DPP10: variants seen among roughly 807,000 people sequenced by gnomAD.
DPP10 encodes the protein inactive dipeptidyl peptidase 10.
DPP10 carries 33 observed loss-of-function variants against 120.9 expected under a neutral mutation model. The observed-to-expected ratio is 0.27, with a 90% CI of 0.21 to 0.37. The LOEUF (loss-of-function observed/expected upper bound fraction) is 0.37. Among genes scored for constraint, DPP10 ranks in the 10% least tolerant of loss-of-function variants. The probability of loss-of-function intolerance (pLI) is 1.00; values close to 1 mark genes in which losing one functional copy is unlikely to be tolerated. For synonymous variants in DPP10, 337 were observed against 326.1 expected (o/e 1.03, Z -0.36); for missense variants, 816 against 942.8 (o/e 0.87, Z 1.76).
At chr2:115,823,082 A>T (rs1057014322) in intron 21 of DPP10, among the ~76,000 whole-genome samples, 4 of 151,834 alleles carry the variant, frequency 2.6e-5, no homozygotes, top group African/African-American at 4.8e-5. Context: ...TTTATTTTTG[A>T]GTATTGGTTT....
At chr2:114,847,634 C>A (rs1391343497) in intron 1 of DPP10, among the ~76,000 whole-genome samples, 1 of 152,144 alleles carries the variant, frequency 6.6e-6, no homozygotes, top group Non-Finnish European at 1.5e-5. Context: ...GTGAGTGTAT[C>A]TAGAGACAGC....
chr2:115,582,552 A>T (rs576311496), intron 5 of DPP10, among the ~76,000 whole-genome samples: 2 of 152,128 alleles, frequency 1.3e-5, no homozygotes, highest in African/African-American at 2.4e-5. Context: ...TCTGGGAGTG[A>T]TGCTCTCTTG....
At chr2:114,824,722 C>A (rs376516496) in intron 1 of DPP10, among the ~76,000 whole-genome samples, 1 of 151,828 alleles carries the variant, frequency 6.6e-6, no homozygotes, top group Admixed American at 6.6e-5. Flanking sequence ...CTAAAAATAG[C>A]GTTAATTGAT....
At chr2:115,297,789 C>A (rs988609146) in intron 1 of DPP10, among the ~76,000 whole-genome samples, 1 of 152,000 alleles carries the variant, frequency 6.6e-6, no homozygotes, top group Non-Finnish European at 1.5e-5. Flanking sequence ...ATATATGCAG[C>A]CTGCTCATCC....
At position 114,537,137 on chromosome 2, in the gene DPP10, G is replaced by GGT. The variant is rs140387548; in HGVS notation, c.60+94312_60+94313dup. ...TAACTGTACCACATGCCTTTAGGAG[G>GGT]GTGTGTGTGTGTGTTACAGAACATG... On this transcript the variant is annotated intron_variant, in intron 1 of 25. Transcript: ENST00000410059. Among the ~76,000 whole-genome samples, 266 of 151,888 alleles carry GGT rather than the reference G, an allele frequency of 1.8e-3. 1 individual carries two copies. The highest frequency in any genetic ancestry group is 5.8e-3 in the African/African-American group (241 of 41,456).
chr2:114,495,016 A>T (rs932046855), intron 1 of DPP10, among the ~76,000 whole-genome samples: 1 of 152,098 alleles, frequency 6.6e-6, no homozygotes, highest in African/African-American at 2.4e-5. Context: ...GGAGGTCTTT[A>T]AAAAAATCTG....
intron 3 of DPP10, among the ~76,000 whole-genome samples, chr2:115,370,875 G>GAACT (rs1311931863): frequency 6.6e-6 from 1 of 151,944 alleles, no homozygotes; most frequent in Non-Finnish European, 1.5e-5. Context: ...GCTAGTCCCA[G>GAACT]AACTAACTCA....
chr2:114,628,508 G>C (rs763540808), intron 1 of DPP10, among the ~76,000 whole-genome samples: 1 of 152,078 alleles, frequency 6.6e-6, no homozygotes, highest in Non-Finnish European at 1.5e-5. Flanking sequence ...AAGACCAAGT[G>C]AGAAAGAGCA....
chr2:115,274,087 TTGTGTGTGTGTGTGTCTG>T (rs1339866114), intron 1 of DPP10, among the ~76,000 whole-genome samples: 2 of 151,532 alleles, frequency 1.3e-5, no homozygotes, highest in South Asian at 2.1e-4. Flanking sequence ...GCAGAATTGT[TTGTGTGTGTGTGTGTCTG>T]TGTGTGTGTG....
chr2:115,056,698 C>A (rs1705947194), intron 1 of DPP10, among the ~76,000 whole-genome samples: 1 of 152,118 alleles, frequency 6.6e-6, no homozygotes, highest in Admixed American at 6.5e-5. Context: ...CAACGTAAGT[C>A]CAATGCTACA....
intron 1 of DPP10, among the ~76,000 whole-genome samples, chr2:114,527,409 G>T (rs575796374): frequency 1.3e-5 from 2 of 152,242 alleles, no homozygotes; most frequent in East Asian, 3.9e-4. Flanking sequence ...GTAATGTTCT[G>T]TGGTCGTAAC....
chr2:115,624,307 A>G (rs978776374), intron 5 of DPP10, among the ~76,000 whole-genome samples: 7 of 152,092 alleles, frequency 4.6e-5, no homozygotes, highest in Non-Finnish European at 4.4e-5. Context: ...TTCTTTTTCT[A>G]TTCTCTCATA....
At chr2:115,220,261 C>A (rs2057068356) in intron 1 of DPP10, among the ~76,000 whole-genome samples, 1 of 152,100 alleles carries the variant, frequency 6.6e-6, no homozygotes, top group South Asian at 2.1e-4. Context: ...TGGTAGCTAT[C>A]AAAATTGTAG....
intron 1 of DPP10, among the ~76,000 whole-genome samples, chr2:115,077,006 G>C (rs1469415292): frequency 6.6e-6 from 1 of 152,078 alleles, no homozygotes; most frequent in Non-Finnish European, 1.5e-5. Flanking sequence ...CAAATATCTA[G>C]TTTTTCCTTT....
chr2:114,570,048 G>A (rs1030098419), intron 1 of DPP10, among the ~76,000 whole-genome samples: 2 of 152,140 alleles, frequency 1.3e-5, no homozygotes, highest in Non-Finnish European at 2.9e-5. Flanking sequence ...CAAAGAGGGT[G>A]AATATGCCAT....
At chr2:114,759,634 G>A (rs1204659075) in intron 1 of DPP10, among the ~76,000 whole-genome samples, 1 of 151,806 alleles carries the variant, frequency 6.6e-6, no homozygotes, top group South Asian at 2.1e-4. Context: ...AAGGTTGTGG[G>A]GACAAGGCAA....
At chr2:115,809,712 C>G (rs191503419) in intron 19 of DPP10, among the ~76,000 whole-genome samples, 1 of 152,156 alleles carries the variant, frequency 6.6e-6, no homozygotes, top group African/African-American at 2.4e-5. Flanking sequence ...GCAGTTCTCT[C>G]TATGTCCCCT....
At chr2:115,336,633 G>A (rs1033409038) in intron 2 of DPP10, among the ~76,000 whole-genome samples, 3 of 145,804 alleles carry the variant, frequency 2.1e-5, no homozygotes, top group Admixed American at 6.9e-5. Flanking sequence ...CTTATATTTT[G>A]TTACAGAATC....
intron 2 of DPP10, among the ~76,000 whole-genome samples, chr2:115,325,646 G>A (rs1056591447): frequency 2.0e-5 from 3 of 151,824 alleles, no homozygotes; most frequent in Non-Finnish European, 2.9e-5. Flanking sequence ...AATAAAATGT[G>A]TATTAATTTA....
Sources: allele counts gnomAD v4.1 joint callset (sites outside exome capture counted in the v4.1 genomes callset), GRCh38; gene constraint gnomAD v4.1.1; transcripts MANE v1.5; gene names NCBI Gene and HGNC (gene_info 2026-07-23, HGNC 2026-07-21).